SKA2: variants seen among roughly 807,000 people sequenced by gnomAD.
The protein encoded by SKA2 is spindle and kinetochore-associated protein 2.
In SKA2, 13 loss-of-function variants were observed where a neutral mutation model predicts 16.9. The ratio of observed to expected loss-of-function variants is 0.77; its 90% confidence interval spans 0.50 to 1.22. SKA2 has a LOEUF of 1.22. Among genes scored for constraint, SKA2 ranks in the 50% most tolerant of loss-of-function variants. The pLI is 0.00. For missense variants in SKA2, 107 were observed against 139.7 expected (o/e 0.77, Z 1.18); for synonymous variants, 47 against 48.5 (o/e 0.97, Z 0.13).
intron 1 of SKA2, among the ~76,000 whole-genome samples, chr17:59,147,150 C>T (rs775860555): frequency 2.6e-5 from 4 of 151,852 alleles, no homozygotes; most frequent in African/African-American, 9.7e-5. Context: ...AAGAGCAAAA[C>T]GCCATCTCAG....
chr17:59,117,292 A>G (rs935110401), intron 3 of SKA2, among the ~76,000 whole-genome samples: 7 of 152,230 alleles, frequency 4.6e-5, no homozygotes, highest in Non-Finnish European at 7.3e-5. Flanking sequence ...ATTTATCAAT[A>G]TAATGGTTTG....
intron 1 of SKA2, among the ~76,000 whole-genome samples, chr17:59,147,650 G>A (rs1599679602): frequency 6.6e-6 from 1 of 150,422 alleles, no homozygotes; most frequent in Middle Eastern, 3.4e-3. Context: ...TTTTATTAGA[G>A]ATGGAGTCTG....
rs188910059 is a variant in SKA2, at chr17:59,121,954, G to A, written c.121-2459C>T. On this transcript the variant is annotated intron_variant, in intron 2 of 3. Transcript: ENST00000330137. ...GCCACTGCACTCCAGCCTAACCACA[G>A]AGTGCGACTCCATCTGAAAAAAAAA... Among the ~76,000 whole-genome samples the A allele has an allele frequency of 2.3e-3, 348 of 150,508 alleles. 4 individuals are homozygous for A. Among genetic ancestry groups the A allele is most frequent in the African/African-American group, 8.1e-3 (332 of 40,966 alleles).
chr17:59,111,498 T>A lies in SKA2; in HGVS notation c.*779A>T, dbSNP rs1176792997. ...TTAAAGGGAAATTGACACATACATA[T>A]AACACACTCACGCAAAACTGGCAAG... is the stretch of plus-strand genomic sequence containing the variant. On this transcript the variant is annotated 3_prime_UTR_variant, in exon 4 of 4. Transcript: ENST00000330137. The A allele has an allele frequency of 1.3e-5, 2 of 152,176 alleles. No homozygotes were observed. The highest frequency in any genetic ancestry group is 3.8e-4 in the East Asian group (2 of 5,206). 9.4% of individuals were successfully genotyped at this position (152,176 alleles called of 1,614,324 possible).
chr17:59,112,464 TC>T (rs1213230222), intron 3 of SKA2, 119 bp from the exon 4 acceptor site: 1 of 694,344 alleles, frequency 1.4e-6, no homozygotes, highest in East Asian at 2.9e-5. Flanking sequence ...ATGTATGTAA[TC>T]ACAGATTTAG....
intron 2 of SKA2, among the ~76,000 whole-genome samples, chr17:59,120,607 G>A (rs1333015866): frequency 6.6e-6 from 1 of 151,910 alleles, no homozygotes; most frequent in Admixed American, 6.6e-5. Context: ...CCAAGTGACA[G>A]CACAATTAAT....
intron 1 of SKA2, among the ~76,000 whole-genome samples, chr17:59,152,507 T>C (rs996923534): frequency 1.3e-5 from 2 of 152,176 alleles, no homozygotes; most frequent in Non-Finnish European, 2.9e-5. Context: ...GAATTGGAAG[T>C]TATTACAAAC....
At chr17:59,144,921 C>T (rs1225159078) in intron 1 of SKA2, among the ~76,000 whole-genome samples, 3 of 152,066 alleles carry the variant, frequency 2.0e-5, no homozygotes, top group East Asian at 1.9e-4. Flanking sequence ...CTCAGTCTCC[C>T]GAGTAGTTGG....
At chr17:59,124,880 T>A (rs1395360603) in intron 2 of SKA2, among the ~76,000 whole-genome samples, 1 of 152,198 alleles carries the variant, frequency 6.6e-6, no homozygotes, top group Non-Finnish European at 1.5e-5. Context: ...AGGTTAGGAC[T>A]GTGGTTAGGA....
chr17:59,142,660 C>T (rs1434478713), intron 1 of SKA2, among the ~76,000 whole-genome samples: 1 of 151,170 alleles, frequency 6.6e-6, no homozygotes, highest in South Asian at 2.1e-4. Context: ...GGTGCAGTGG[C>T]TCATGCCAGT....
intron 1 of SKA2, among the ~76,000 whole-genome samples, chr17:59,141,632 G>A (rs571933387): frequency 1.2e-3 from 178 of 150,368 alleles, no homozygotes; most frequent in Non-Finnish European, 1.9e-3. Flanking sequence ...GCAGGAGGCT[G>A]AAATAGGCTT....
intron 1 of SKA2, among the ~76,000 whole-genome samples, chr17:59,145,244 G>A (rs1008245981): frequency 2.0e-5 from 3 of 152,014 alleles, no homozygotes; most frequent in African/African-American, 4.8e-5. Context: ...AAAAAAATAG[G>A]GAAAAAAGTT....
chr17:59,148,001 C>G (rs1251274536), intron 1 of SKA2, among the ~76,000 whole-genome samples: 1 of 151,908 alleles, frequency 6.6e-6, no homozygotes, highest in Non-Finnish European at 1.5e-5. Flanking sequence ...CACCACTGCA[C>G]TAGGCTAATT....
rs2046262291 is a variant in SKA2, at chr17:59,111,268, AT to A, written c.*1008del. Reference sequence around the variant, plus strand: ...GCATAGTTTCAGCATTTCCCAGAACATTAACAGTAATAATTTATTGGCAACT... The same window carrying A: ...GCATAGTTTCAGCATTTCCCAGAACATAACAGTAATAATTTATTGGCAACT... On this transcript the variant is annotated 3_prime_UTR_variant, in exon 4 of 4. Transcript: ENST00000330137. 1 of 152,202 alleles carries A rather than the reference AT, an allele frequency of 6.6e-6. No homozygotes were observed. Among genetic ancestry groups the A allele is most frequent in the African/African-American group, 2.4e-5 (1 of 41,456 alleles). 9.4% of individuals were successfully genotyped at this position (152,202 alleles called of 1,614,324 possible). A position where few individuals can be genotyped will look rare whatever the true frequency, so the allele number is the denominator to read the frequency against.
rs375615130 is a variant in SKA2, at chr17:59,138,183, T to A, written c.34-6816A>T. ...TTTTATACTGATCTGAAAAGTGGTA[T>A]ATAAAATACAAAATTAGGTGAAAAA... On this transcript the variant is annotated intron_variant, in intron 1 of 3. Coordinates refer to ENST00000330137, the MANE Select transcript of SKA2 (RefSeq NM_182620.4). Among the ~76,000 whole-genome samples the A allele has an allele frequency of 1.6e-4, 24 of 152,148 alleles. No individual in the cohort carries two copies. In the South Asian group the frequency reaches 4.6e-3, roughly 29 times the overall value.
chr17:59,142,927 C>CAAAAAAA (rs111796693), intron 1 of SKA2, among the ~76,000 whole-genome samples: 5 of 60,314 alleles, frequency 8.3e-5, no homozygotes, highest in African/African-American at 1.1e-4. Flanking sequence ...AACCCCATCT[C>CAAAAAAA]AAAAAAAAAA....
At chr17:59,147,007 G>T (rs888750880) in intron 1 of SKA2, among the ~76,000 whole-genome samples, 2 of 151,046 alleles carry the variant, frequency 1.3e-5, no homozygotes, top group African/African-American at 4.9e-5. Flanking sequence ...TTTTTTTTTG[G>T]GGGGGACGGG....
intron 1 of SKA2, among the ~76,000 whole-genome samples, chr17:59,138,787 G>T (rs1444538857): frequency 1.3e-5 from 2 of 152,034 alleles, no homozygotes; most frequent in Admixed American, 1.3e-4. Context: ...AGTGGCACAA[G>T]GTATTCCATA....
chr17:59,148,309 T>C (rs1029083973), intron 1 of SKA2, among the ~76,000 whole-genome samples: 3 of 152,114 alleles, frequency 2.0e-5, no homozygotes, highest in African/African-American at 7.2e-5. Context: ...GGCACAGTGG[T>C]TCACTCCTGT....
Sources: allele counts gnomAD v4.1 joint callset (sites outside exome capture counted in the v4.1 genomes callset), GRCh38; gene constraint gnomAD v4.1.1; transcripts MANE v1.5; gene names NCBI Gene and HGNC (gene_info 2026-07-23, HGNC 2026-07-21).